The following DMP1 variants were observed in gnomAD, a reference collection of about 807,000 sequenced individuals.
DMP1 encodes dentin matrix acidic phosphoprotein 1.
A neutral mutation model predicts 14.6 loss-of-function variants in DMP1; 20 were observed. The ratio of observed to expected loss-of-function variants is 1.37; its 90% CI spans 0.96 to 1.99. The LOEUF (loss-of-function observed/expected upper bound fraction) is 1.99, where lower values mean the gene tolerates loss of function less well. DMP1 is among the 30% of genes most tolerant of loss of function. DMP1 has a pLI of 0.00. For missense variants in DMP1, 567 were observed against 620.5 expected, an observed-to-expected ratio of 0.91 and a Z score of 0.92; for synonymous variants, 197 against 215.3, an observed-to-expected ratio of 0.91 and a Z score of 0.75.
intron 5 of DMP1, among the ~76,000 whole-genome samples, 198 bp downstream of exon 5, chr4:87,659,676 C>T (rs1728802239): frequency 6.6e-6 from 1 of 152,206 alleles, no homozygotes; most frequent in Non-Finnish European, 1.5e-5. Flanking sequence ...ATCTTATTTT[C>T]ATCACTGAGC....
At chr4:87,656,645 C>A in intron 2 of DMP1, 99 bp downstream of exon 2, 1 of 835,824 alleles carries the variant, frequency 1.2e-6, no homozygotes. Flanking sequence ...ATGTTCCAGT[C>A]CAGTAAAAAT....
At chr4:87,661,475 G>A (rs1425211183) in intron 5 of DMP1, among the ~76,000 whole-genome samples, 6 of 151,800 alleles carry the variant, frequency 4.0e-5, no homozygotes, top group African/African-American at 4.8e-5. Flanking sequence ...GCCCGCCTCG[G>A]CCTCCCAAAG....
intron 5 of DMP1, among the ~76,000 whole-genome samples, chr4:87,660,142 CCTAAGG>C (rs1330603455): frequency 6.6e-6 from 1 of 152,084 alleles, no homozygotes; most frequent in Non-Finnish European, 1.5e-5. Context: ...CAGGTTTCTC[CCTAAGG>C]CTTTGATCCA....
intron 1 of DMP1, among the ~76,000 whole-genome samples, chr4:87,653,801 G>A (rs1366224405): frequency 6.6e-6 from 1 of 151,928 alleles, no homozygotes; most frequent in Non-Finnish European, 1.5e-5. Context: ...TATTTTAGGG[G>A]CCAAGGGAAA....
chr4:87,657,691 C>G (rs983537276), intron 3 of DMP1, among the ~76,000 whole-genome samples: 2 of 152,216 alleles, frequency 1.3e-5, no homozygotes, highest in African/African-American at 4.8e-5. Flanking sequence ...TAGAGCCAGA[C>G]TTTGATATTA....
At chr4:87,652,014 A>G (rs1312420950) in intron 1 of DMP1, among the ~76,000 whole-genome samples, 1 of 152,166 alleles carries the variant, frequency 6.6e-6, no homozygotes, top group Non-Finnish European at 1.5e-5. Flanking sequence ...TGAAATCTTG[A>G]CTTTAGTTTC....
At chr4:87,654,706 T>C (rs1378153175) in intron 1 of DMP1, among the ~76,000 whole-genome samples, 3 of 152,180 alleles carry the variant, frequency 2.0e-5, no homozygotes, top group Non-Finnish European at 4.4e-5. Flanking sequence ...GCCCACATTT[T>C]ATATGTGAAA....
intron 1 of DMP1, among the ~76,000 whole-genome samples, chr4:87,653,715 G>T (rs113037720): frequency 6.6e-6 from 1 of 151,944 alleles, no homozygotes; most frequent in African/African-American, 2.4e-5. Context: ...TTGTGCATTG[G>T]CATTTTTAAA....
In DMP1 at chr4:87,662,908, A is replaced by G. The variant is rs1194359677; in HGVS notation, c.1130A>G (p.Asp377Gly). 6.2e-7 allele frequency: 1 copy of G among 1,614,164 alleles called. No individual in the cohort carries two copies. The highest frequency in any genetic ancestry group is 2.2e-5 in the East Asian group (1 of 44,874). The change falls in exon 6 of 6, where the codon GAC becomes GGC. Residue 377 changes from aspartate (D) to glycine (G), a missense_variant. Physicochemically the swap from Asp to Gly is moderately conservative, Grantham distance 94. Coordinates refer to ENST00000339673, the MANE Select transcript of DMP1 (RefSeq NM_004407.4). ...NPDPTTSYVEDQEDSDSSEED... is the reference protein window; with the variant it reads ...NPDPTTSYVEGQEDSDSSEED... Reference sequence around the variant, plus strand: ...GACCCCACAACTAGTTATGTAGAAGACCAGGAAGACAGTGACTCCAGCGAG... The same window carrying G: ...GACCCCACAACTAGTTATGTAGAAGGCCAGGAAGACAGTGACTCCAGCGAG...
At chr4:87,655,686 ATGTGTATGTG>A (rs1728668402) in intron 1 of DMP1, among the ~76,000 whole-genome samples, 1 of 150,984 alleles carries the variant, frequency 6.6e-6, no homozygotes, top group South Asian at 2.1e-4. Flanking sequence ...GTGTGTGTGT[ATGTGTATGTG>A]TGTGTTTGTG....
rs926719466 is a variant in DMP1 at position 87,664,021 on chromosome 4, T to C, written c.*701T>C. On this transcript the variant is annotated 3_prime_UTR_variant, in exon 6 of 6. Transcript: ENST00000339673. ...GAAATTATGGCACAGTGAGTTGTTT[T>C]GGATAAGAAAATCTTTTTCTCCCAA... The C allele has an allele frequency of 3.3e-5, 5 of 152,110 alleles. No individual in the cohort carries two copies. The highest frequency in any genetic ancestry group is 7.3e-5 in the Non-Finnish European group (5 of 68,116). 9.4% of individuals were successfully genotyped at this position (152,110 alleles called of 1,614,324 possible). A position where few individuals can be genotyped will look rare whatever the true frequency, so the allele number is the denominator to read the frequency against.
chr4:87,661,067 C>T (rs1056523763), intron 5 of DMP1, among the ~76,000 whole-genome samples: 9 of 152,288 alleles, frequency 5.9e-5, no homozygotes, highest in African/African-American at 2.2e-4. Flanking sequence ...GAGACGGAGT[C>T]TCGCTCTGTC....
chr4:87,651,446 C>A (rs1041242180), intron 1 of DMP1, among the ~76,000 whole-genome samples: 1 of 151,990 alleles, frequency 6.6e-6, no homozygotes, highest in Non-Finnish European at 1.5e-5. Context: ...GTTTGTTTCT[C>A]TGGATTCCTG....
In DMP1 at chr4:87,661,277, G is replaced by C. The variant is rs929486760; in HGVS notation, c.184-685G>C. On this transcript the variant is annotated intron_variant, in intron 5 of 5. Transcript: ENST00000339673. ...TCGCTGTCGCCCAGGCTGGAGTGCA[G>C]TGGCGCAATCTCGGCTCACTGCAGG... Among the ~76,000 whole-genome samples the C allele has an allele frequency of 4.8e-4, 67 of 139,510 alleles. 1 individual carries two copies. Among genetic ancestry groups the C allele is most frequent in the African/African-American group, 1.8e-3 (66 of 36,884 alleles). The allele number at this position is 139,510 out of a possible 152,430, so 91.5% of individuals were successfully genotyped here. A position where few individuals can be genotyped will look rare whatever the true frequency, so the allele number is the denominator to read the frequency against.
Position 87,656,507 on chromosome 4 carries a change from C to T in DMP1, c.15C>T (p.Ile5=), listed in dbSNP as rs1417507345. 1.3e-5 allele frequency: 21 copies of T among 1,609,754 alleles called. No homozygotes were observed. Among genetic ancestry groups the T allele is most frequent in the East Asian group, 2.2e-5 (1 of 44,836 alleles). ...CACACCCAACTATGAAGATCAGCAT[C>T]CTGCTCATGTTCCTTTGGGGATTAT... The part of the protein sequence containing the change: MKIS[I]LLMFLWGLSC... The change falls in exon 2 of 6, where the codon ATC becomes ATT. Residue 5 remains isoleucine (I), a synonymous_variant. Coordinates refer to ENST00000339673, the MANE Select transcript of DMP1 (RefSeq NM_004407.4).
Position 87,662,568 on chromosome 4 carries a change from A to C in DMP1, c.790A>C (p.Ser264Arg), listed in dbSNP as rs769382267. Reference sequence around the variant, plus strand: ...TGGCAGCCAATTGCTGGAGCATCCCAGTAGGAAAATTTTTAGGAAGTCTCG... The same window carrying C: ...TGGCAGCCAATTGCTGGAGCATCCCCGTAGGAAAATTTTTAGGAAGTCTCG... The part of the protein sequence containing the change: ...SGGSQLLEHP[S>R]RKIFRKSRIS... The change falls in exon 6 of 6, where the codon AGT becomes CGT. Residue 264 changes from serine to arginine, a missense_variant. Transcript: ENST00000339673. 3.1e-6 allele frequency: 5 copies of C among 1,614,016 alleles called. No individual in the cohort carries two copies. The highest frequency in any genetic ancestry group is 3.4e-6 in the Non-Finnish European group (4 of 1,180,024).
At chr4:87,653,180 A>C (rs1273930922) in intron 1 of DMP1, among the ~76,000 whole-genome samples, 1 of 151,614 alleles carries the variant, frequency 6.6e-6, no homozygotes, top group East Asian at 1.9e-4. Context: ...AATTAAGAAT[A>C]ACTATGCTGA....
Position 87,662,782 on chromosome 4 carries a change from G to A in DMP1, c.1004G>A (p.Gly335Asp). ...LSQEESQNVD[G>D]PSSESSQEAN... is the part of the protein sequence containing the mutation. ...CAGGAAGAGAGCCAAAACGTAGATG[G>A]TCCCAGCAGTGAGTCCAGCCAAGAG... The change falls in exon 6 of 6, where the codon GGT becomes GAT. Residue 335 changes from glycine to aspartate, a missense_variant. Gly to Asp is a moderately conservative substitution (Grantham distance 94). Transcript: ENST00000339673. 1 of 1,613,502 alleles carries A rather than the reference G, an allele frequency of 6.2e-7. No homozygotes were observed.
chr4:87,661,811 C>G, intron 5 of DMP1, 151 bp from the exon 6 acceptor site: 9 of 1,405,890 alleles, frequency 6.4e-6, no homozygotes, highest in Non-Finnish European at 8.7e-6. Flanking sequence ...TATTTAAGCT[C>G]TGGTAGAGAG....
Sources: gnomAD v4.1 joint callset for allele counts (sites outside exome capture counted in the v4.1 genomes callset) on GRCh38, gnomAD v4.1.1 for gene constraint, MANE v1.5 for transcripts, NCBI Gene and HGNC (gene_info 2026-07-23, HGNC 2026-07-21) for gene names.